The following SMYD2 variants were observed in gnomAD, a reference collection of about 807,000 sequenced individuals.
The protein encoded by SMYD2 is N-lysine methyltransferase SMYD2.
Under a neutral mutation model 59.1 loss-of-function variants are expected in SMYD2, and 53 were observed. The observed-to-expected ratio is 0.90, with a 90% confidence interval of 0.72 to 1.13. The LOEUF (loss-of-function observed/expected upper bound fraction) is 1.13. Among genes scored for constraint, SMYD2 ranks in the 50% most tolerant of loss-of-function variants. SMYD2 has a pLI of 0.00. For synonymous variants in SMYD2, 208 were observed against 198.8 expected (o/e 1.05, Z -0.39); for missense variants, 494 against 544.7 (o/e 0.91, Z 0.93).
chr1:214,294,990 G>C (rs965233137), intron 1 of SMYD2, among the ~76,000 whole-genome samples: 1 of 152,070 alleles, frequency 6.6e-6, no homozygotes, highest in Non-Finnish European at 1.5e-5. Context: ...AATAATATTG[G>C]TATTCATTAC....
Position 214,331,047 on chromosome 1 carries a change from T to C in SMYD2, c.914T>C (p.Phe305Ser). ...TATGCACGCAACGTCATTGAAGAGT[T>C]CCGGAGGGCCAAGCACTATAAATAT... ...VRYARNVIEE[F>S]RRAKHYKSPS... Residue 305 changes from phenylalanine to serine, a missense_variant, in exon 9 of 12, where the codon TTC becomes TCC. Physicochemically the swap from Phe to Ser is radical, Grantham distance 155 (BLOSUM62 -2). Transcript: ENST00000366957. The C allele has an allele frequency of 6.2e-7, 1 of 1,614,212 alleles. No individual in the cohort carries two copies. Among genetic ancestry groups the C allele is most frequent in the Non-Finnish European group, 8.5e-7 (1 of 1,180,028 alleles).
intron 1 of SMYD2, among the ~76,000 whole-genome samples, chr1:214,285,696 A>C (rs567760973): frequency 6.6e-6 from 1 of 151,940 alleles, no homozygotes; most frequent in South Asian, 2.1e-4. Flanking sequence ...CAAGGTTTCC[A>C]TGTACATTAA....
intron 1 of SMYD2, among the ~76,000 whole-genome samples, chr1:214,283,507 A>G (rs1329097534): frequency 6.6e-6 from 1 of 152,226 alleles, no homozygotes; most frequent in Non-Finnish European, 1.5e-5. Context: ...AATATCCATG[A>G]TACTTATGCA....
chr1:214,316,823 G>A (rs773418655), intron 3 of SMYD2, among the ~76,000 whole-genome samples: 1 of 152,138 alleles, frequency 6.6e-6, no homozygotes, highest in Non-Finnish European at 1.5e-5. Flanking sequence ...CCTGCAGGAG[G>A]TTAACTTTCG....
At position 214,331,033 on chromosome 1, in the gene SMYD2, C is replaced by T. The variant is rs771690031; in HGVS notation, c.900C>T (p.Asn300=). Residue 300 remains asparagine, a synonymous_variant, in exon 9 of 12, where the codon AAC becomes AAT. Transcript: ENST00000366957. ...AIRDMVRYAR[N]VIEEFRRAKH... is the part of the protein sequence containing the mutation. Reference sequence around the variant, plus strand: ...GAGACATGGTCAGATATGCACGCAACGTCATTGAAGAGTTCCGGAGGGCCA... The same window carrying T: ...GAGACATGGTCAGATATGCACGCAATGTCATTGAAGAGTTCCGGAGGGCCA... 11 of 1,614,182 alleles carry T rather than the reference C, an allele frequency of 6.8e-6. No individual in the cohort carries two copies. The highest frequency in any genetic ancestry group is 9.3e-6 in the Non-Finnish European group (11 of 1,180,024).
chr1:214,284,515 C>T (rs902126354), intron 1 of SMYD2, among the ~76,000 whole-genome samples: 5 of 151,262 alleles, frequency 3.3e-5, no homozygotes, highest in African/African-American at 1.2e-4. Flanking sequence ...GGATTACAGG[C>T]ATGAGCCACT....
intron 1 of SMYD2, among the ~76,000 whole-genome samples, chr1:214,284,160 T>A (rs1656493126): frequency 6.6e-6 from 1 of 151,984 alleles, no homozygotes; most frequent in African/African-American, 2.4e-5. Flanking sequence ...TTGGAAGCTG[T>A]CCCTATCAGA....
In SMYD2 at chr1:214,281,320, G is replaced by A; in HGVS notation, c.66G>A (p.Arg22=). ...GCCCGGGCAAAGGCCGGGGGCTGCG[G>A]GCTCTGCAGCCCTTCCAGGTGGGGG... is the stretch of plus-strand genomic sequence containing the variant. ...FCSPGKGRGL[R]ALQPFQVGDL... The change falls in exon 1 of 12, where the codon CGG becomes CGA. Residue 22 remains arginine (R), a synonymous_variant. Coordinates refer to ENST00000366957, the MANE Select transcript of SMYD2 (RefSeq NM_020197.3). The A allele has an allele frequency of 2.1e-6, 3 of 1,418,320 alleles. No individual in the cohort carries two copies. Among genetic ancestry groups the A allele is most frequent in the Middle Eastern group, 2.2e-4 (1 of 4,624 alleles). 87.9% of individuals were successfully genotyped at this position (1,418,320 alleles called of 1,614,324 possible). A position where few individuals can be genotyped will look rare whatever the true frequency, so the allele number is the denominator to read the frequency against.
At chr1:214,331,956 C>T (rs773791730) in intron 9 of SMYD2, 62 bp from the exon 10 acceptor site, 9 of 1,524,924 alleles carry the variant, frequency 5.9e-6, no homozygotes, top group Middle Eastern at 2.4e-4. Flanking sequence ...CTCCTTGAAC[C>T]CAGCCTGGGG....
chr1:214,298,481 A>C (rs750119603), intron 1 of SMYD2, among the ~76,000 whole-genome samples: 1 of 152,244 alleles, frequency 6.6e-6, no homozygotes, highest in Non-Finnish European at 1.5e-5. Flanking sequence ...CATTCTGGAC[A>C]TTGGCCTTGG....
At chr1:214,295,053 T>C (rs556152540) in intron 1 of SMYD2, among the ~76,000 whole-genome samples, 3 of 152,312 alleles carry the variant, frequency 2.0e-5, no homozygotes, top group Non-Finnish European at 2.9e-5. Flanking sequence ...GTGGATATTA[T>C]TTTATTGTCA....
At chr1:214,331,236 G>A (rs1657348898) in intron 9 of SMYD2, 166 bp downstream of exon 9, 3 of 984,042 alleles carry the variant, frequency 3.0e-6, no homozygotes, top group African/African-American at 3.3e-5. Flanking sequence ...ACAATGTGGT[G>A]TCCATCCTGT....
intron 1 of SMYD2, among the ~76,000 whole-genome samples, chr1:214,303,235 C>A (rs1459807828): frequency 6.6e-6 from 1 of 152,126 alleles, no homozygotes; most frequent in Non-Finnish European, 1.5e-5. Flanking sequence ...CCTGACACAC[C>A]TCTCTGTGGA....
chr1:214,293,011 TTGTGTGTGTGTGTGTGTGTGTG>T (rs58012666), intron 1 of SMYD2, among the ~76,000 whole-genome samples: 5,344 of 137,392 alleles, frequency 0.039, 249 homozygotes, highest in African/African-American at 0.1. Flanking sequence ...CTTTTTCTGT[TTGTGTGTGTGTGTGTGTGTGTG>T]TGTGTGTGTG....
chr1:214,309,537 T>C (rs1406404302), intron 2 of SMYD2, among the ~76,000 whole-genome samples: 1 of 152,140 alleles, frequency 6.6e-6, no homozygotes, highest in East Asian at 1.9e-4. Context: ...ATGAGTAAGC[T>C]TTGAAAGTAG....
At chr1:214,327,193 A>G (rs1265038811) in intron 6 of SMYD2, among the ~76,000 whole-genome samples, 1 of 152,254 alleles carries the variant, frequency 6.6e-6, no homozygotes, top group Non-Finnish European at 1.5e-5. Context: ...GGCATTTCTC[A>G]ACATCTGAAA....
At position 214,330,197 on chromosome 1, in the gene SMYD2, C is replaced by T. The variant is rs267598365; in HGVS notation, c.735C>T (p.Tyr245=). The part of the protein sequence containing the change: ...EVFTSYIDLL[Y]PTEDRNDRLR... ...TTACCAGCTATATTGATCTCCTGTA[C>T]CCAACGGAAGATAGAAATGACCGGT... Residue 245 remains tyrosine (Y), a synonymous_variant, in exon 8 of 12, where the codon TAC becomes TAT. Coordinates refer to ENST00000366957, the MANE Select transcript of SMYD2 (RefSeq NM_020197.3). 1 of 1,613,266 alleles carries T rather than the reference C, an allele frequency of 6.2e-7. No individual in the cohort carries two copies. Among genetic ancestry groups the T allele is most frequent in the Non-Finnish European group, 8.5e-7 (1 of 1,179,460 alleles).
At chr1:214,298,793 C>T (rs1656773236) in intron 1 of SMYD2, among the ~76,000 whole-genome samples, 1 of 152,112 alleles carries the variant, frequency 6.6e-6, no homozygotes. Context: ...CAGAAAAATC[C>T]ACATCAAAAC....
intron 5 of SMYD2, 89 bp from the exon 6 acceptor site, chr1:214,324,552 T>G (rs1489544811): frequency 4.3e-6 from 5 of 1,163,954 alleles, no homozygotes; most frequent in Non-Finnish European, 6.2e-6. Context: ...TCTTCCTAAT[T>G]TGTTAAAAGT....
Sources: allele counts gnomAD v4.1 joint callset (sites outside exome capture counted in the v4.1 genomes callset), GRCh38; gene constraint gnomAD v4.1.1; transcripts MANE v1.5; gene names NCBI Gene and HGNC (gene_info 2026-07-23, HGNC 2026-07-21).